RAB28: variants seen among roughly 807,000 people sequenced by gnomAD.
RAB28 encodes the protein RAB28, member RAS oncogene family, also known as ras-related protein Rab-28.
RAB28 carries 24 observed loss-of-function variants against 31.7 expected under a neutral mutation model. That is an observed-to-expected ratio of 0.76 (90% confidence interval 0.55 to 1.06). The LOEUF is 1.06. Among genes scored for constraint, RAB28 ranks in the 50% least tolerant of loss-of-function variants. The pLI, the probability that RAB28 is intolerant of heterozygous loss-of-function variation, is 0.00. For missense variants in RAB28, 254 were observed against 258.5 expected (o/e 0.98, Z 0.12); for synonymous variants, 100 against 90.4 (o/e 1.11, Z -0.60).
At position 13,421,832 on chromosome 4, in the gene RAB28, C is replaced by T. The variant is rs138737047; in HGVS notation, c.391+38867G>A. On this transcript the variant is annotated intron_variant, in intron 4 of 6. Transcript: ENST00000330852. ...AACCTGGGCAATACCATTCAGGACACAGGCATGGGCAAGGACTTCGTGACT... is the reference window on the plus strand; with the variant it reads ...AACCTGGGCAATACCATTCAGGACATAGGCATGGGCAAGGACTTCGTGACT... Among the ~76,000 whole-genome samples the T allele has an allele frequency of 4.6e-3, 694 of 152,194 alleles. 6 individuals are homozygous for T. The highest frequency in any genetic ancestry group is 0.016 in the African/African-American group (661 of 41,530).
At position 13,454,621 on chromosome 4, in the gene RAB28, G is replaced by A. The variant is rs145049506; in HGVS notation, c.391+6078C>T. 4.6e-3 allele frequency among the ~76,000 whole-genome samples: 694 copies of A among 152,266 alleles called. 5 individuals carry two copies. The highest frequency in any genetic ancestry group is 0.016 in the African/African-American group (661 of 41,538). On this transcript the variant is annotated intron_variant, in intron 4 of 6. Transcript: ENST00000330852. ...TCCACATTCATGACATTTATGAGTAGCTCGGTGGCCAAGGCTGAGAGAGTA... is the reference window on the plus strand; with the variant it reads ...TCCACATTCATGACATTTATGAGTAACTCGGTGGCCAAGGCTGAGAGAGTA...
At chr4:13,444,739 G>A (rs1714610525) in intron 4 of RAB28, among the ~76,000 whole-genome samples, 1 of 152,176 alleles carries the variant, frequency 6.6e-6, no homozygotes. Context: ...TAAGACATGG[G>A]TGTAACCCAA....
chr4:13,442,343 T>C (rs559840687), intron 4 of RAB28, among the ~76,000 whole-genome samples: 109 of 152,074 alleles, frequency 7.2e-4, no homozygotes, highest in Non-Finnish European at 1.3e-3. Flanking sequence ...TTATGCAGCA[T>C]CTTTTTTTTT....
At chr4:13,437,525 C>T (rs778236452) in intron 4 of RAB28, among the ~76,000 whole-genome samples, 1 of 151,868 alleles carries the variant, frequency 6.6e-6, no homozygotes, top group East Asian at 1.9e-4. Context: ...AAAAAATAAC[C>T]GCAACAAAAA....
At chr4:13,387,061 T>C (rs545200350) in intron 4 of RAB28, among the ~76,000 whole-genome samples, 5 of 151,652 alleles carry the variant, frequency 3.3e-5, no homozygotes, top group African/African-American at 9.7e-5. Context: ...CATGGACACA[T>C]AGAGGGGAAC....
intron 6 of RAB28, chr4:13,370,981 G>A (rs1049438373): frequency 2.0e-6 from 2 of 982,890 alleles, no homozygotes; most frequent in East Asian, 1.1e-4. Flanking sequence ...ACCTATCCTC[G>A]CTATCCATGT....
At chr4:13,470,300 T>G (rs1716061837) in intron 3 of RAB28, among the ~76,000 whole-genome samples, 2 of 152,194 alleles carry the variant, frequency 1.3e-5, no homozygotes, top group Admixed American at 1.3e-4. Context: ...TAAGAAACAC[T>G]AACACAAAGA....
intron 4 of RAB28, among the ~76,000 whole-genome samples, chr4:13,439,494 G>T (rs112977984): frequency 2.0e-5 from 3 of 151,034 alleles, no homozygotes; most frequent in African/African-American, 7.4e-5. Flanking sequence ...AGCTGGGAGT[G>T]TGCCACCATG....
chr4:13,420,659 C>T (rs1713077078), intron 4 of RAB28, among the ~76,000 whole-genome samples: 1 of 152,186 alleles, frequency 6.6e-6, no homozygotes, highest in African/African-American at 2.4e-5. Context: ...ACAAAAACCA[C>T]ATGATTATCT....
chr4:13,436,633 G>A (rs1331828358), intron 4 of RAB28, among the ~76,000 whole-genome samples: 1 of 151,916 alleles, frequency 6.6e-6, no homozygotes, highest in East Asian at 1.9e-4. Context: ...AAAATACCTG[G>A]GAATACATGT....
chr4:13,369,966 C>A (rs766054897), intron 6 of RAB28: 1 of 1,610,102 alleles, frequency 6.2e-7, no homozygotes, highest in Non-Finnish European at 8.5e-7. Context: ...TGACAATACG[C>A]TGTCAATTCC....
intron 4 of RAB28, among the ~76,000 whole-genome samples, chr4:13,453,098 G>C (rs971192931): frequency 1.3e-5 from 2 of 151,910 alleles, no homozygotes; most frequent in Admixed American, 1.3e-4. Context: ...ACTCCTGATT[G>C]CTTTTGGTTT....
chr4:13,383,510 T>C (rs1019803055), intron 4 of RAB28, among the ~76,000 whole-genome samples: 5 of 152,198 alleles, frequency 3.3e-5, no homozygotes, highest in African/African-American at 4.8e-5. Flanking sequence ...AAACATTTAT[T>C]GAGCATCTAT....
intron 3 of RAB28, among the ~76,000 whole-genome samples, chr4:13,465,075 G>C (rs1375235697): frequency 6.6e-6 from 1 of 151,882 alleles, no homozygotes; most frequent in Non-Finnish European, 1.5e-5. Context: ...TGAGCTTAAA[G>C]ACAGGATAAT....
intron 4 of RAB28, among the ~76,000 whole-genome samples, chr4:13,404,705 T>G (rs1711971591): frequency 6.6e-6 from 1 of 152,118 alleles, no homozygotes; most frequent in South Asian, 2.1e-4. Context: ...AACTTATGGA[T>G]ATATAAATGG....
intron 4 of RAB28, among the ~76,000 whole-genome samples, chr4:13,432,174 C>A (rs1262587088): frequency 1.3e-5 from 2 of 151,808 alleles, no homozygotes; most frequent in Non-Finnish European, 2.9e-5. Flanking sequence ...TAGACTAGAC[C>A]AAGCAGAAAA....
chr4:13,408,356 T>C (rs1712223637), intron 4 of RAB28, among the ~76,000 whole-genome samples: 1 of 152,218 alleles, frequency 6.6e-6, no homozygotes, highest in Non-Finnish European at 1.5e-5. Context: ...ATCCCAAGGA[T>C]GAAGCCAACT....
chr4:13,467,580 T>C (rs1050309973), intron 3 of RAB28, among the ~76,000 whole-genome samples: 7 of 151,906 alleles, frequency 4.6e-5, no homozygotes, highest in Non-Finnish European at 1.5e-5. Context: ...CAATACAGTG[T>C]CATTTAAACA....
Position 13,381,602 on chromosome 4 carries a change from G to A in RAB28, c.392-8C>T, listed in dbSNP as rs1168953895. The A allele has an allele frequency of 6.3e-7, 1 of 1,592,610 alleles. No individual in the cohort carries two copies. The highest frequency in any genetic ancestry group is 2.2e-5 in the East Asian group (1 of 44,634). On this transcript the variant is annotated splice_polypyrimidine_tract_variant and splice_region_variant and intron_variant, in intron 4 of 6. Transcript: ENST00000330852. ...GCATATGCTCCAAATCAACTAGAAA[G>A]GTGTTAAAGAAAGAAAATAATTCAA...
Sources: allele counts gnomAD v4.1 joint callset (sites outside exome capture counted in the v4.1 genomes callset), GRCh38; gene constraint gnomAD v4.1.1; transcripts MANE v1.5; gene names NCBI Gene and HGNC (gene_info 2026-07-23, HGNC 2026-07-21).